ENAH: variants seen among roughly 807,000 people sequenced by gnomAD.
ENAH encodes the protein ENAH actin regulator.
ENAH carries 23 observed loss-of-function variants against 78.7 expected under a neutral mutation model. The ratio of observed to expected loss-of-function variants is 0.29; its 90% CI spans 0.21 to 0.41. The LOEUF (loss-of-function observed/expected upper bound fraction) is 0.41, where lower values mean the gene tolerates loss of function less well. ENAH is among the 10% of genes least tolerant of loss of function. The probability of loss-of-function intolerance (pLI) is 1.00; values close to 1 mark genes in which losing one functional copy is unlikely to be tolerated. For synonymous variants in ENAH, 226 were observed against 241.0 expected, an observed-to-expected ratio of 0.94 and a Z score of 0.58; for missense variants, 544 against 691.0, an observed-to-expected ratio of 0.79 and a Z score of 2.39.
intron 1 of ENAH, among the ~76,000 whole-genome samples, chr1:225,597,004 A>G (rs1315508719): frequency 1.3e-5 from 2 of 152,222 alleles, no homozygotes; most frequent in Non-Finnish European, 2.9e-5. Context: ...GATCTAGGAT[A>G]GAAGACTTCT....
chr1:225,503,672 A>AAAC (rs1553413061), intron 11 of ENAH, among the ~76,000 whole-genome samples: 5 of 150,100 alleles, frequency 3.3e-5, no homozygotes, highest in African/African-American at 9.7e-5. Flanking sequence ...AAAAAAAAAA[A>AAAC]AAAAAACACA....
chr1:225,637,416 A>G (rs1660259944), intron 1 of ENAH, among the ~76,000 whole-genome samples: 1 of 152,226 alleles, frequency 6.6e-6, no homozygotes, highest in Admixed American at 6.5e-5. Context: ...CCAGTTAGCC[A>G]GGCTGGTCTA....
chr1:225,508,043 T>TTAAA, intron 10 of ENAH, 26 bp from the exon 11 acceptor site: 1 of 1,425,402 alleles, frequency 7.0e-7, no homozygotes, highest in Non-Finnish European at 9.5e-7. Flanking sequence ...ACAAAAGCTA[T>TTAAA]TAAATAAATA....
chr1:225,503,054 G>C (rs1470422700), intron 11 of ENAH, among the ~76,000 whole-genome samples: 1 of 152,108 alleles, frequency 6.6e-6, no homozygotes, highest in African/African-American at 2.4e-5. Context: ...TTATTGTTAT[G>C]TAATAAACAA....
chr1:225,566,568 C>T (rs906077385), intron 2 of ENAH, among the ~76,000 whole-genome samples: 5 of 152,058 alleles, frequency 3.3e-5, no homozygotes, highest in Non-Finnish European at 7.4e-5. Context: ...AATATTTTTT[C>T]CCAAAGTATT....
chr1:225,517,674 C>T lies in ENAH; in HGVS notation c.803-368G>A, dbSNP rs1489841117. The T allele has an allele frequency of 3.9e-6, 6 of 1,550,832 alleles. No homozygotes were observed. In the Admixed American group the frequency reaches 9.8e-5, roughly 25 times the overall value. On this transcript the variant is annotated intron_variant, in intron 5 of 13. Coordinates refer to ENST00000366843, the MANE Select transcript of ENAH (RefSeq NM_018212.6). ...AGGCACAGGGCTTCGTAGCTGGAGGCTGAGAAGAGGGTGTGTTCACAGGAG... is the reference window on the plus strand; with the variant it reads ...AGGCACAGGGCTTCGTAGCTGGAGGTTGAGAAGAGGGTGTGTTCACAGGAG...
intron 3 of ENAH, among the ~76,000 whole-genome samples, chr1:225,531,423 A>C (rs2096536921): frequency 6.6e-6 from 1 of 152,100 alleles, no homozygotes; most frequent in African/African-American, 2.4e-5. Flanking sequence ...GGGACATCTT[A>C]ATGTCATTGG....
intron 11 of ENAH, among the ~76,000 whole-genome samples, chr1:225,507,233 G>A (rs888983343): frequency 2.0e-5 from 3 of 151,916 alleles, no homozygotes; most frequent in African/African-American, 7.3e-5. Flanking sequence ...ATGAGATAGG[G>A]AAATACATGT....
chr1:225,505,993 ATC>A (rs2096325727), intron 11 of ENAH, among the ~76,000 whole-genome samples: 1 of 151,504 alleles, frequency 6.6e-6, no homozygotes. Context: ...TGAAAAAAAA[ATC>A]TTTTTTTCCC....
At chr1:225,544,884 A>G (rs1164425636) in intron 3 of ENAH, among the ~76,000 whole-genome samples, 3 of 152,240 alleles carry the variant, frequency 2.0e-5, no homozygotes, top group Non-Finnish European at 4.4e-5. Flanking sequence ...GTACTGACTG[A>G]GACAGAGCTA....
intron 1 of ENAH, among the ~76,000 whole-genome samples, chr1:225,588,904 T>C (rs2096861462): frequency 6.6e-6 from 1 of 150,856 alleles, no homozygotes; most frequent in Non-Finnish European, 1.5e-5. Context: ...TAGGTATTGC[T>C]CAAAACTGGA....
At chr1:225,540,063 C>T (rs2096582022) in intron 3 of ENAH, among the ~76,000 whole-genome samples, 1 of 152,146 alleles carries the variant, frequency 6.6e-6, no homozygotes, top group Non-Finnish European at 1.5e-5. Context: ...TATGAGAAAT[C>T]TGTCTAAAGA....
In ENAH at chr1:225,517,219, G is replaced by T. The variant is rs147401807; in HGVS notation, c.890C>A (p.Pro297Gln). ...ACCCTGTTGGGATGGAGTCTCGGCC[G>T]GCTGAGAGGCTGCCTGCAAGCCTGG... Reference protein sequence around the residue: ...SEPGLQAASQPAETPSQQGIV... With the variant: ...SEPGLQAASQQAETPSQQGIV... Residue 297 changes from proline to glutamine, a missense_variant, in exon 6 of 14, where the codon CCG becomes CAG. Physicochemically the swap from Pro to Gln is moderately conservative, Grantham distance 76 (BLOSUM62 -1). Around this residue, in one of 4 missense-constraint regions of ENAH, gnomAD observed 366 missense variants for 396.1 expected, o/e 0.92. Transcript: ENST00000366843. 6 of 1,544,788 alleles carry T rather than the reference G, an allele frequency of 3.9e-6. No individual in the cohort carries two copies. Among genetic ancestry groups the T allele is most frequent in the Non-Finnish European group, 5.2e-6 (6 of 1,143,774 alleles).
chr1:225,576,821 A>G (rs1393938396), intron 1 of ENAH, among the ~76,000 whole-genome samples: 2 of 152,210 alleles, frequency 1.3e-5, no homozygotes, highest in African/African-American at 4.8e-5. Flanking sequence ...TCAAGCTCAG[A>G]CTTTTCAGAG....
At position 225,497,094 on chromosome 1, in the gene ENAH, T is replaced by C. The variant is rs1301535535; in HGVS notation, c.*681A>G. ...GGAAGGCATCTAAATCTTTAAGTTCTGGACAAATTTTATGTTTTAATCTAC... is the reference window on the plus strand; with the variant it reads ...GGAAGGCATCTAAATCTTTAAGTTCCGGACAAATTTTATGTTTTAATCTAC... On this transcript the variant is annotated 3_prime_UTR_variant, in exon 14 of 14. Coordinates refer to ENST00000366843, the MANE Select transcript of ENAH (RefSeq NM_018212.6). The C allele has an allele frequency of 6.5e-6, 1 of 152,676 alleles. No individual in the cohort carries two copies. Among genetic ancestry groups the C allele is most frequent in the Non-Finnish European group, 1.5e-5 (1 of 68,042 alleles). The allele number at this position is 152,676 out of a possible 1,614,324, so 9.5% of individuals were successfully genotyped here.
At chr1:225,565,164 G>A (rs562630530) in intron 2 of ENAH, among the ~76,000 whole-genome samples, 8 of 152,230 alleles carry the variant, frequency 5.3e-5, no homozygotes, top group South Asian at 4.2e-4. Context: ...AGCCTGGCGC[G>A]GTGGCTCACG....
chr1:225,504,719 G>A (rs903108682), intron 11 of ENAH, among the ~76,000 whole-genome samples: 8 of 152,128 alleles, frequency 5.3e-5, no homozygotes, highest in African/African-American at 9.7e-5. Flanking sequence ...ATCATAAGGC[G>A]AACAGCCTTT....
chr1:225,547,451 G>A (rs2096620597), intron 3 of ENAH, among the ~76,000 whole-genome samples: 1 of 152,076 alleles, frequency 6.6e-6, no homozygotes, highest in South Asian at 2.1e-4. Flanking sequence ...AGTACAATCA[G>A]AACCACATTG....
Position 225,519,218 on chromosome 1 carries a change from T to G in ENAH, c.782A>C (p.Glu261Ala), listed in dbSNP as rs1183842363. ...LEREQLEWER[E>A]RRISSAAAPA... ...CTTACCAGCACTTGATATTCTGCGC[T>G]CTCTCTCCCATTCCAGCTGTTCCCT... The change falls in exon 5 of 14, where the codon GAG becomes GCG. Residue 261 changes from glutamate to alanine, a missense_variant. Glu to Ala is a moderately radical substitution (Grantham distance 107, BLOSUM62 -1). Around this residue, in one of 4 missense-constraint regions of ENAH, gnomAD observed 366 missense variants for 396.1 expected, o/e 0.92. Transcript: ENST00000366843. 6 of 1,614,142 alleles carry G rather than the reference T, an allele frequency of 3.7e-6. No homozygotes were observed. The highest frequency in any genetic ancestry group is 5.1e-6 in the Non-Finnish European group (6 of 1,179,982).
Sources: allele counts gnomAD v4.1 joint callset (sites outside exome capture counted in the v4.1 genomes callset), GRCh38; gene constraint gnomAD v4.1.1; regional missense constraint gnomAD v4.1.1; transcripts MANE v1.5; gene names NCBI Gene and HGNC (gene_info 2026-07-23, HGNC 2026-07-21).